Variants in ABCC4 observed in about 807,000 individuals in gnomAD.
ABCC4 encodes ATP-binding cassette sub-family C member 4.
Under a neutral mutation model 168.5 loss-of-function variants are expected in ABCC4, and 102 were observed. The observed-to-expected ratio is 0.61, with a 90% CI of 0.52 to 0.71. The LOEUF is 0.71. ABCC4 is among the 30% of genes least tolerant of loss of function. The pLI, the probability that ABCC4 is intolerant of heterozygous loss-of-function variation, is 0.00. For missense variants in ABCC4, 1,402 were observed against 1,605.8 expected (o/e 0.87, Z 2.17); for synonymous variants, 617 against 590.7 (o/e 1.04, Z -0.65).
At chr13:95,236,190 CT>C (rs2039762577) in intron 3 of ABCC4, among the ~76,000 whole-genome samples, 2 of 152,262 alleles carry the variant, frequency 1.3e-5, no homozygotes, top group East Asian at 1.9e-4. Context: ...GTAAGGGACC[CT>C]TTTCCCCCAA....
At chr13:95,151,093 A>G (rs1013628972) in intron 19 of ABCC4, among the ~76,000 whole-genome samples, 1 of 152,190 alleles carries the variant, frequency 6.6e-6, no homozygotes, top group Non-Finnish European at 1.5e-5. Flanking sequence ...GTATCTAGAA[A>G]AGTATCTAGA....
intron 13 of ABCC4, among the ~76,000 whole-genome samples, chr13:95,171,923 A>G (rs1307551501): frequency 6.6e-6 from 1 of 152,154 alleles, no homozygotes; most frequent in African/African-American, 2.4e-5. Flanking sequence ...GTTTAGTACT[A>G]AAGCTTTTAA....
chr13:95,200,967 A>C (rs967567566), intron 8 of ABCC4, among the ~76,000 whole-genome samples: 1 of 152,198 alleles, frequency 6.6e-6, no homozygotes, highest in South Asian at 2.1e-4. Flanking sequence ...ACCACCATGA[A>C]GGAGTTTACC....
intron 3 of ABCC4, among the ~76,000 whole-genome samples, chr13:95,243,442 T>C (rs936384940): frequency 1.3e-5 from 2 of 152,206 alleles, no homozygotes; most frequent in African/African-American, 4.8e-5. Context: ...GTCGTGACCA[T>C]GCAAGACCAC....
rs143509748 is a variant in ABCC4, at chr13:95,186,869, G to A, written c.1377C>T (p.Leu459=). The change falls in exon 11 of 31, where the codon CTC becomes CTT. Residue 459 remains leucine, a synonymous_variant. Coordinates refer to ENST00000645237, the MANE Select transcript of ABCC4 (RefSeq NM_005845.5). ...AGKSSLLSAV[L]GELAPSHGLV... The stretch of plus-strand genomic sequence containing the variant: ...GCCCGTGACTTGGGGCCAATTCCCC[G>A]AGCACGGCACTTAACAGTGATGACT... 26 of 1,613,008 alleles carry A rather than the reference G, an allele frequency of 1.6e-5. No individual in the cohort carries two copies. The highest frequency in any genetic ancestry group is 1.9e-5 in the Non-Finnish European group (23 of 1,179,656).
intron 19 of ABCC4, among the ~76,000 whole-genome samples, chr13:95,138,264 C>T (rs2036202515): frequency 6.6e-6 from 1 of 152,092 alleles, no homozygotes; most frequent in Non-Finnish European, 1.5e-5. Flanking sequence ...TACTAATTTG[C>T]CCTGGAGTTC....
At chr13:95,276,514 A>G (rs962956831) in intron 1 of ABCC4, among the ~76,000 whole-genome samples, 1 of 151,618 alleles carries the variant, frequency 6.6e-6, no homozygotes, top group Non-Finnish European at 1.5e-5. Context: ...CTCAAAAAAA[A>G]AAAAAGAAAA....
intron 13 of ABCC4, among the ~76,000 whole-genome samples, chr13:95,176,875 A>G (rs2037721622): frequency 6.6e-6 from 1 of 152,232 alleles, no homozygotes; most frequent in African/African-American, 2.4e-5. Flanking sequence ...CAAAAAGGCC[A>G]GTCTAGACTA....
intron 1 of ABCC4, among the ~76,000 whole-genome samples, chr13:95,282,497 T>A (rs1290733665): frequency 6.6e-6 from 1 of 152,222 alleles, no homozygotes; most frequent in Non-Finnish European, 1.5e-5. Flanking sequence ...ACACTGTTTC[T>A]TGAAACTTTT....
intron 30 of ABCC4, among the ~76,000 whole-genome samples, chr13:95,032,057 C>A (rs952936348): frequency 2.6e-5 from 4 of 152,122 alleles, no homozygotes; most frequent in Non-Finnish European, 4.4e-5. Flanking sequence ...ATGAGGGAAG[C>A]TTTGGCTGGG....
intron 19 of ABCC4, among the ~76,000 whole-genome samples, chr13:95,142,132 G>A (rs1411549106): frequency 6.6e-6 from 1 of 152,168 alleles, no homozygotes; most frequent in Non-Finnish European, 1.5e-5. Flanking sequence ...ATACTTGCAT[G>A]TGCCTGTTTA....
intron 3 of ABCC4, among the ~76,000 whole-genome samples, chr13:95,241,161 G>A (rs1348342862): frequency 2.6e-5 from 4 of 152,044 alleles, no homozygotes; most frequent in Non-Finnish European, 4.4e-5. Flanking sequence ...TCAAGAGATC[G>A]AGACCATCCT....
At chr13:95,246,534 C>T (rs2040110419) in intron 3 of ABCC4, among the ~76,000 whole-genome samples, 1 of 152,200 alleles carries the variant, frequency 6.6e-6, no homozygotes, top group Non-Finnish European at 1.5e-5. Context: ...TGTTGAGCAC[C>T]TGTAAAATGT....
At position 95,047,074 on chromosome 13, in the gene ABCC4, G is replaced by A. The variant is rs535947573; in HGVS notation, c.3457-2636C>T. Among the ~76,000 whole-genome samples the A allele has an allele frequency of 1.1e-4, 17 of 152,348 alleles. No individual in the cohort carries two copies. In the South Asian group the frequency reaches 2.9e-3, roughly 26 times the overall value. On this transcript the variant is annotated intron_variant, in intron 27 of 30. Coordinates refer to ENST00000645237, the MANE Select transcript of ABCC4 (RefSeq NM_005845.5). ...CAACTTACTTTCAAGGGCTATAAGA[G>A]AGGAAGCAAATGTAGCAAAATACCG... is the stretch of plus-strand genomic sequence containing the variant.
intron 20 of ABCC4, among the ~76,000 whole-genome samples, chr13:95,094,218 C>A (rs1199532677): frequency 6.6e-6 from 1 of 151,942 alleles, no homozygotes; most frequent in Admixed American, 6.6e-5. Flanking sequence ...GCCCGCAGAG[C>A]CAAAGCAAGA....
intron 1 of ABCC4, among the ~76,000 whole-genome samples, chr13:95,250,757 CTTTTTTT>C (rs66485168): frequency 3.8e-5 from 3 of 78,866 alleles, no homozygotes; most frequent in African/African-American, 4.9e-5. Context: ...ATACTGGTTT[CTTTTTTT>C]TTTTTTTTTT....
chr13:95,298,285 G>C (rs2041587647), intron 1 of ABCC4, among the ~76,000 whole-genome samples: 1 of 152,058 alleles, frequency 6.6e-6, no homozygotes, highest in East Asian at 1.9e-4. Context: ...CTGAGCAACA[G>C]AGAAAGACTC....
chr13:95,093,434 C>A (rs1318773749), intron 20 of ABCC4, among the ~76,000 whole-genome samples: 1 of 151,882 alleles, frequency 6.6e-6, no homozygotes, highest in Non-Finnish European at 1.5e-5. Context: ...AAATTAAAAC[C>A]AAAAAATCAC....
At chr13:95,153,445 G>A (rs1283029674) in intron 19 of ABCC4, among the ~76,000 whole-genome samples, 1 of 152,088 alleles carries the variant, frequency 6.6e-6, no homozygotes, top group Non-Finnish European at 1.5e-5. Flanking sequence ...AGACTGAAGT[G>A]GAGAACTTAC....
Sources: gnomAD v4.1 joint callset for allele counts (sites outside exome capture counted in the v4.1 genomes callset) on GRCh38, gnomAD v4.1.1 for gene constraint, MANE v1.5 for transcripts, NCBI Gene and HGNC (gene_info 2026-07-23, HGNC 2026-07-21) for gene names.